The following SF3A3 variants were observed in gnomAD, a reference collection of about 807,000 sequenced individuals.
SF3A3 encodes the protein splicing factor 3a subunit 3.
A neutral mutation model predicts 85.8 loss-of-function variants in SF3A3; 9 were observed. The ratio of observed to expected loss-of-function variants is 0.10; its 90% CI spans 0.06 to 0.18. SF3A3 has a LOEUF of 0.18. Among genes scored for constraint, SF3A3 ranks in the 10% least tolerant of loss-of-function variants. The probability of loss-of-function intolerance (pLI) is 1.00; values close to 1 mark genes in which losing one functional copy is unlikely to be tolerated. For synonymous variants in SF3A3, 195 were observed against 204.4 expected (o/e 0.95, Z 0.39); for missense variants, 306 against 593.3 (o/e 0.52, Z 5.03).
At chr1:37,977,172 G>A (rs940736701) in intron 11 of SF3A3, among the ~76,000 whole-genome samples, 3 of 152,192 alleles carry the variant, frequency 2.0e-5, no homozygotes, top group Non-Finnish European at 2.9e-5. Context: ...ACCTCACTTA[G>A]AAGATGAAGG....
At chr1:37,989,113 G>A (rs1232418344) in intron 2 of SF3A3, among the ~76,000 whole-genome samples, 1 of 151,900 alleles carries the variant, frequency 6.6e-6, no homozygotes, top group South Asian at 2.1e-4. Context: ...AACATGTTTA[G>A]TAGAAACTCC....
chr1:37,980,190 C>T (rs959210053), intron 8 of SF3A3, among the ~76,000 whole-genome samples: 3 of 152,084 alleles, frequency 2.0e-5, no homozygotes, highest in African/African-American at 7.2e-5. Context: ...TTTGGGAGGC[C>T]GAGGTGGGCG....
intron 12 of SF3A3, among the ~76,000 whole-genome samples, chr1:37,976,473 T>C (rs1290639652): frequency 6.6e-6 from 1 of 152,190 alleles, no homozygotes; most frequent in Non-Finnish European, 1.5e-5. Context: ...ACATGTAAGT[T>C]GACTTACATG....
rs779165449 is a variant in SF3A3 at position 37,979,415 on chromosome 1, A to G, written c.759+50T>C. 4 of 1,406,694 alleles carry G rather than the reference A, an allele frequency of 2.8e-6. No homozygotes were observed. In the South Asian group the frequency reaches 4.6e-5, roughly 16 times the overall value. The allele number at this position is 1,406,694 out of a possible 1,614,324, so 87.1% of individuals were successfully genotyped here. ...TTAAAGACAGGAGAGCAGTCTTTAA[A>G]GACAGAAAAATAGACAGAGAGAACA... On this transcript the variant is annotated intron_variant, in intron 9 of 16. Coordinates refer to ENST00000373019, the MANE Select transcript of SF3A3 (RefSeq NM_006802.4).
At chr1:37,972,739 C>A (rs1646352455) in intron 12 of SF3A3, among the ~76,000 whole-genome samples, 1 of 152,190 alleles carries the variant, frequency 6.6e-6, no homozygotes, top group Non-Finnish European at 1.5e-5. Context: ...ACCATCTGAT[C>A]TTTGACAAAC....
In SF3A3 at chr1:37,976,939, T is replaced by C. The variant is rs760354372; in HGVS notation, c.950A>G (p.Asn317Ser). 8.1e-6 allele frequency: 13 copies of C among 1,609,024 alleles called. No homozygotes were observed. Among genetic ancestry groups the C allele is most frequent in the Non-Finnish European group, 1.1e-5 (13 of 1,175,504 alleles). ...GGCTTCTAGAAAAGCAATGTCTTTG[T>C]TCCTTTCAGTGTCTCTGAGAAAAAG... ...SKGTKRDTER[N>S]KDIAFLEAQI... Residue 317 changes from asparagine (N) to serine (S), a missense_variant, in exon 12 of 17, where the codon AAC (asparagine) becomes AGC (serine). Around this residue, in one of 4 missense-constraint regions of SF3A3, gnomAD observed 136 missense variants for 296.6 expected, o/e 0.46. Coordinates refer to ENST00000373019, the MANE Select transcript of SF3A3 (RefSeq NM_006802.4).
At chr1:37,975,966 C>T (rs894773249) in intron 12 of SF3A3, among the ~76,000 whole-genome samples, 16 of 152,118 alleles carry the variant, frequency 1.1e-4, no homozygotes, top group African/African-American at 3.9e-4. Flanking sequence ...ACCAGCCTGA[C>T]CAATATGGTG....
intron 7 of SF3A3, 34 bp from the exon 8 acceptor site, chr1:37,980,758 A>G: frequency 6.4e-7 from 1 of 1,556,598 alleles, no homozygotes; most frequent in Non-Finnish European, 8.7e-7. Flanking sequence ...ACAAAGCAAA[A>G]AGGGTTTCTA....
chr1:37,957,863 T>G lies in SF3A3; in HGVS notation c.*323A>C, dbSNP rs1380689932. 1.5e-5 allele frequency: 4 copies of G among 260,306 alleles called. No homozygotes were observed. Among genetic ancestry groups the G allele is most frequent in the East Asian group, 1.6e-4 (2 of 12,548 alleles). 16.1% of individuals were successfully genotyped at this position (260,306 alleles called of 1,614,324 possible). On this transcript the variant is annotated 3_prime_UTR_variant, in exon 17 of 17. Coordinates refer to ENST00000373019, the MANE Select transcript of SF3A3 (RefSeq NM_006802.4). ...CTAACATGATATGTAGCATAATAGG[T>G]GCCCATTAAATCTCAGCTACTAGTA...
rs5773608 is a variant in SF3A3 at position 37,962,780 on chromosome 1, TAAA to T, written c.1373-2608_1373-2606del. On this transcript the variant is annotated intron_variant, in intron 15 of 16. Coordinates refer to ENST00000373019, the MANE Select transcript of SF3A3 (RefSeq NM_006802.4). Reference sequence around the variant, plus strand: ...AATTTATAAGTAAAACCCTCTAAGTTAAAAAAAAAAAAAAAATCACTGCGGCCG... The same window carrying T: ...AATTTATAAGTAAAACCCTCTAAGTTAAAAAAAAAAAAATCACTGCGGCCG... Among the ~76,000 whole-genome samples, 179 of 143,572 alleles carry T rather than the reference TAAA, an allele frequency of 1.2e-3. 1 individual carries two copies. Among genetic ancestry groups the T allele is most frequent in the South Asian group, 5.8e-3 (26 of 4,486 alleles). The allele number at this position is 143,572 out of a possible 152,430, so 94.2% of individuals were successfully genotyped here.
intron 12 of SF3A3, among the ~76,000 whole-genome samples, 177 bp downstream of exon 12, chr1:37,976,704 TAAC>T (rs1340234076): frequency 1.3e-5 from 2 of 152,180 alleles, no homozygotes; most frequent in African/African-American, 4.8e-5. Context: ...GAGTATCATC[TAAC>T]AACAGAATAG....
At chr1:37,959,595 T>C (rs1294818104) in intron 16 of SF3A3, among the ~76,000 whole-genome samples, 1 of 149,656 alleles carries the variant, frequency 6.7e-6, no homozygotes, top group Non-Finnish European at 1.5e-5. Flanking sequence ...TTATTATTTT[T>C]TGAGAAAGAG....
chr1:37,960,191 T>C lies in SF3A3; in HGVS notation c.1373-16A>G. 1 of 1,613,176 alleles carries C rather than the reference T, an allele frequency of 6.2e-7. No homozygotes were observed. The highest frequency in any genetic ancestry group is 8.5e-7 in the Non-Finnish European group (1 of 1,179,170). ...TTGGCCCACACTGCAGGATGAGAAA[T>C]GAACAGCAATCAGGATGGACTGAAC... On this transcript the variant is annotated splice_polypyrimidine_tract_variant and intron_variant, in intron 15 of 16. Coordinates refer to ENST00000373019, the MANE Select transcript of SF3A3 (RefSeq NM_006802.4).
intron 4 of SF3A3, 68 bp from the exon 5 acceptor site, chr1:37,984,847 G>T: frequency 7.5e-7 from 1 of 1,324,840 alleles, no homozygotes; most frequent in Non-Finnish European, 1.1e-6. Flanking sequence ...TCACTCTGTG[G>T]CCCAGGCTGG....
At chr1:37,959,953 G>A (rs1445015700) in intron 16 of SF3A3, among the ~76,000 whole-genome samples, 167 bp downstream of exon 16, 1 of 42,504 alleles carries the variant, frequency 2.4e-5, no homozygotes, top group Non-Finnish European at 4.2e-5. Flanking sequence ...ACGAGACTCC[G>A]TGTCAAAAAA....
At chr1:37,969,991 G>A (rs933353338) in intron 12 of SF3A3, among the ~76,000 whole-genome samples, 1 of 152,166 alleles carries the variant, frequency 6.6e-6, no homozygotes, top group Non-Finnish European at 1.5e-5. Context: ...ACAGAAAACA[G>A]TCTCATCTAT....
In SF3A3 at chr1:37,969,476, A is replaced by G. The variant is rs1646323983; in HGVS notation, c.1171-12T>C. On this transcript the variant is annotated splice_polypyrimidine_tract_variant and intron_variant, in intron 13 of 16. Transcript: ENST00000373019. ...CAGTAGGGAATAGGCTAAAAAAGAA[A>G]AAAACAAAACAAAACCAAGAAGTGT... 3.1e-6 allele frequency: 5 copies of G among 1,613,342 alleles called. No homozygotes were observed. In the East Asian group the frequency reaches 1.1e-4, roughly 36 times the overall value.
chr1:37,968,986 AAG>A (rs1192873489), intron 14 of SF3A3, among the ~76,000 whole-genome samples: 2 of 152,178 alleles, frequency 1.3e-5, no homozygotes, highest in Non-Finnish European at 1.5e-5. Context: ...TAAGATCTGA[AAG>A]AGATCAGTCA....
Position 37,957,996 on chromosome 1 carries a change from TA to T in SF3A3, c.*189del, listed in dbSNP as rs1396917233. Reference sequence around the variant, plus strand: ...GGTTTTATTTTCTGGCAGAATCTTTTAAAATATAAAACAGATAAAACACATC... The same window carrying T: ...GGTTTTATTTTCTGGCAGAATCTTTTAAATATAAAACAGATAAAACACATC... On this transcript the variant is annotated 3_prime_UTR_variant, in exon 17 of 17. Coordinates refer to ENST00000373019, the MANE Select transcript of SF3A3 (RefSeq NM_006802.4). 4 of 559,814 alleles carry T rather than the reference TA, an allele frequency of 7.1e-6. No homozygotes were observed. The African/African-American group carries it at 7.5e-5, about 11-fold the overall frequency. 34.7% of individuals were successfully genotyped at this position (559,814 alleles called of 1,614,324 possible).
Sources: allele counts gnomAD v4.1 joint callset (sites outside exome capture counted in the v4.1 genomes callset), GRCh38; gene constraint gnomAD v4.1.1; regional missense constraint gnomAD v4.1.1; transcripts MANE v1.5; gene names NCBI Gene and HGNC (gene_info 2026-07-23, HGNC 2026-07-21).